Variants in CTNND2 observed in about 807,000 individuals in gnomAD.
The protein encoded by CTNND2 is catenin delta-2.
A neutral mutation model predicts 144.4 loss-of-function variants in CTNND2; 22 were observed. The ratio of observed to expected loss-of-function variants is 0.15; its 90% CI spans 0.11 to 0.22. The LOEUF is 0.22. CTNND2 is among the 10% of genes least tolerant of loss of function. The pLI, the probability that CTNND2 is intolerant of heterozygous loss-of-function variation, is 1.00. For missense variants in CTNND2, 1,353 were observed against 1,618.8 expected (o/e 0.84, Z 2.82); for synonymous variants, 751 against 695.6 (o/e 1.08, Z -1.25).
rs181084299 is a variant in CTNND2 at position 11,639,919 on chromosome 5, T to C, written c.175-74863A>G. Among the ~76,000 whole-genome samples, 2 of 152,304 alleles carry C rather than the reference T, an allele frequency of 1.3e-5. 1 individual carries two copies. The highest frequency in any genetic ancestry group is 1.3e-4 in the Admixed American group (2 of 15,288). ...AAGGCCTGTCTTAACAATGAAAGTCTGGCTGGAATCCCACAGAACCTCAAC... is the reference window on the plus strand; with the variant it reads ...AAGGCCTGTCTTAACAATGAAAGTCCGGCTGGAATCCCACAGAACCTCAAC... On this transcript the variant is annotated intron_variant, in intron 2 of 21. Coordinates refer to ENST00000304623, the MANE Select transcript of CTNND2 (RefSeq NM_001332.4).
chr5:11,896,541 T>A (rs563913942), intron 1 of CTNND2, among the ~76,000 whole-genome samples: 1 of 152,164 alleles, frequency 6.6e-6, no homozygotes, highest in African/African-American at 2.4e-5. Flanking sequence ...TAACTTTAAG[T>A]CATGCATTCA....
chr5:11,364,329 T>G (rs1294891654), intron 8 of CTNND2, among the ~76,000 whole-genome samples: 1 of 152,236 alleles, frequency 6.6e-6, no homozygotes, highest in African/African-American at 2.4e-5. Flanking sequence ...AAAAAAACAC[T>G]TACCATCATC....
chr5:11,640,957 G>A (rs1781970165), intron 2 of CTNND2, among the ~76,000 whole-genome samples: 1 of 152,032 alleles, frequency 6.6e-6, no homozygotes, highest in African/African-American at 2.4e-5. Context: ...CTTTTACTGA[G>A]TATATCGTTC....
intron 2 of CTNND2, among the ~76,000 whole-genome samples, chr5:11,725,969 G>A (rs1786994570): frequency 6.6e-6 from 1 of 152,096 alleles, no homozygotes; most frequent in African/African-American, 2.4e-5. Flanking sequence ...CTTGCTTTGT[G>A]CAAACCATGC....
intron 14 of CTNND2, among the ~76,000 whole-genome samples, chr5:11,107,361 C>T (rs1752526437): frequency 6.6e-6 from 1 of 152,100 alleles, no homozygotes; most frequent in Non-Finnish European, 1.5e-5. Flanking sequence ...TAATAAAATT[C>T]ATGTTTGTGC....
At position 11,330,483 on chromosome 5, in the gene CTNND2, CAAAAAAA is replaced by C. The variant is rs10627159; in HGVS notation, c.1628+15882_1628+15888del. Among the ~76,000 whole-genome samples the C allele has an allele frequency of 3.3e-3, 143 of 43,456 alleles. 2 individuals are homozygous for C. The highest frequency in any genetic ancestry group is 9.7e-3 in the Admixed American group (23 of 2,372). 28.5% of individuals were successfully genotyped at this position (43,456 alleles called of 152,430 possible). A position where few individuals can be genotyped will look rare whatever the true frequency, so the allele number is the denominator to read the frequency against. On this transcript the variant is annotated intron_variant, in intron 9 of 21. Transcript: ENST00000304623. Reference sequence around the variant, plus strand: ...TGGGTGACAGAGAGAGACTCCGTCTCAAAAAAAAAAAAAAAAAAAAAAAAAAGAAAGG... The same window carrying C: ...TGGGTGACAGAGAGAGACTCCGTCTCAAAAAAAAAAAAAAAAAAAGAAAGG...
intron 16 of CTNND2, among the ~76,000 whole-genome samples, chr5:11,049,201 C>A (rs1745582471): frequency 6.6e-6 from 1 of 152,114 alleles, no homozygotes; most frequent in Non-Finnish European, 1.5e-5. Flanking sequence ...CTAAAGCCTC[C>A]TGATATCTAT....
intron 2 of CTNND2, among the ~76,000 whole-genome samples, chr5:11,674,311 T>A (rs1784055753): frequency 6.6e-6 from 1 of 152,230 alleles, no homozygotes; most frequent in African/African-American, 2.4e-5. Context: ...CTAAGCTATT[T>A]AATGAAAACA....
intron 1 of CTNND2, among the ~76,000 whole-genome samples, chr5:11,740,371 TCAGAAATAACAC>T: frequency 6.6e-6 from 1 of 152,162 alleles, no homozygotes; most frequent in Non-Finnish European, 1.5e-5. Context: ...AACAGAGGCC[TCAGAAATAACAC>T]CACACATCTA....
intron 10 of CTNND2, among the ~76,000 whole-genome samples, chr5:11,219,380 T>C (rs889137872): frequency 9.9e-5 from 15 of 152,256 alleles, no homozygotes; most frequent in Non-Finnish European, 1.6e-4. Context: ...CTAAATTTCC[T>C]AGAATCTTAC....
intron 3 of CTNND2, among the ~76,000 whole-genome samples, chr5:11,504,075 A>G (rs989219338): frequency 6.6e-6 from 1 of 152,246 alleles, no homozygotes. Context: ...AAGAATCATT[A>G]TATTTATCAC....
At chr5:11,714,904 T>C (rs896013284) in intron 2 of CTNND2, among the ~76,000 whole-genome samples, 2 of 149,976 alleles carry the variant, frequency 1.3e-5, no homozygotes, top group African/African-American at 2.5e-5. Context: ...GAGAGCAATA[T>C]TCCGTCTCAA....
At chr5:11,145,524 G>A (rs1757156990) in intron 12 of CTNND2, among the ~76,000 whole-genome samples, 1 of 152,138 alleles carries the variant, frequency 6.6e-6, no homozygotes, top group African/African-American at 2.4e-5. Context: ...TCATCTCAAA[G>A]ACAGTGGCAA....
At chr5:11,620,650 T>C (rs1215894884) in intron 2 of CTNND2, among the ~76,000 whole-genome samples, 1 of 152,170 alleles carries the variant, frequency 6.6e-6, no homozygotes, top group Non-Finnish European at 1.5e-5. Flanking sequence ...AGTTGTCTCC[T>C]GGTCTGTTGG....
At chr5:10,997,843 T>C (rs943264308) in intron 18 of CTNND2, among the ~76,000 whole-genome samples, 1 of 152,172 alleles carries the variant, frequency 6.6e-6, no homozygotes, top group African/African-American at 2.4e-5. Flanking sequence ...AATGTGAATA[T>C]TGGCTAAATA....
At chr5:11,779,236 AT>A (rs1476970694) in intron 1 of CTNND2, among the ~76,000 whole-genome samples, 1 of 152,170 alleles carries the variant, frequency 6.6e-6, no homozygotes, top group African/African-American at 2.4e-5. Flanking sequence ...TTAACCATAT[AT>A]TTTTAATGTT....
intron 12 of CTNND2, among the ~76,000 whole-genome samples, chr5:11,133,226 C>CTT (rs576459094): frequency 1.7e-4 from 25 of 150,874 alleles, no homozygotes; most frequent in African/African-American, 5.8e-4. Flanking sequence ...ATTATTTAGC[C>CTT]TTTTTTTTTC....
chr5:11,698,018 T>A (rs1020761998), intron 2 of CTNND2, among the ~76,000 whole-genome samples: 1 of 152,090 alleles, frequency 6.6e-6, no homozygotes, highest in African/African-American at 2.4e-5. Context: ...AGTAGGAGAG[T>A]TACAGTCAGA....
At chr5:11,601,511 C>T (rs1030381381) in intron 2 of CTNND2, among the ~76,000 whole-genome samples, 1 of 151,836 alleles carries the variant, frequency 6.6e-6, no homozygotes, top group Non-Finnish European at 1.5e-5. Flanking sequence ...TATTTGAAAA[C>T]CCTTAATCAT....
Sources: gnomAD v4.1 joint callset for allele counts (sites outside exome capture counted in the v4.1 genomes callset) on GRCh38, gnomAD v4.1.1 for gene constraint, MANE v1.5 for transcripts, NCBI Gene and HGNC (gene_info 2026-07-23, HGNC 2026-07-21) for gene names.